The following STPG2 variants were observed in gnomAD, a reference collection of about 807,000 sequenced individuals.
STPG2 encodes the protein sperm-tail PG-rich repeat-containing protein 2.
Under a neutral mutation model 54.2 loss-of-function variants are expected in STPG2, and 56 were observed. The ratio of observed to expected loss-of-function variants is 1.03; its 90% CI spans 0.83 to 1.29. The LOEUF is 1.29. STPG2 is among the 50% of genes most tolerant of loss of function. STPG2 has a pLI of 0.00. For synonymous variants in STPG2, 200 were observed against 181.8 expected (o/e 1.10, Z -0.81); for missense variants, 596 against 544.9 (o/e 1.09, Z -0.93).
chr4:98,084,661 G>T (rs1206654072), intron 5 of STPG2, among the ~76,000 whole-genome samples: 2 of 152,074 alleles, frequency 1.3e-5, no homozygotes, highest in Non-Finnish European at 2.9e-5. Context: ...TTAAATGGGG[G>T]TGCCTTGGTA....
intron 5 of STPG2, among the ~76,000 whole-genome samples, chr4:98,089,662 C>A (rs1429306270): frequency 6.6e-6 from 1 of 151,362 alleles, no homozygotes; most frequent in Non-Finnish European, 1.5e-5. Context: ...AATTTACATT[C>A]CCACCAGCAG....
At chr4:97,505,959 A>G (rs947073322) in intron 4 of STPG2, among the ~76,000 whole-genome samples, 4 of 147,654 alleles carry the variant, frequency 2.7e-5, no homozygotes, top group African/African-American at 1.0e-4. Flanking sequence ...CTATTGTTAC[A>G]TAGTTTCAGC....
chr4:97,808,779 G>A (rs1313510855), intron 9 of STPG2, among the ~76,000 whole-genome samples: 1 of 148,896 alleles, frequency 6.7e-6, no homozygotes, highest in Non-Finnish European at 1.5e-5. Context: ...TGTCAAAAAA[G>A]ACACTAAACC....
intron 9 of STPG2, among the ~76,000 whole-genome samples, chr4:97,750,214 T>G (rs1274291290): frequency 6.6e-6 from 1 of 151,890 alleles, no homozygotes; most frequent in African/African-American, 2.4e-5. Context: ...AATCTTTGCT[T>G]TATATATAGG....
At chr4:97,770,459 G>A (rs1726184055) in intron 9 of STPG2, among the ~76,000 whole-genome samples, 1 of 152,174 alleles carries the variant, frequency 6.6e-6, no homozygotes, top group Non-Finnish European at 1.5e-5. Context: ...GAGCAGCGGA[G>A]AGAAAAGAAG....
chr4:97,821,844 AG>A (rs1258191562), intron 9 of STPG2, among the ~76,000 whole-genome samples: 1 of 152,184 alleles, frequency 6.6e-6, no homozygotes, highest in Admixed American at 6.5e-5. Context: ...AGGCTGCACA[AG>A]GCAGCCAAGC....
chr4:97,650,740 G>T (rs1031637099), intron 10 of STPG2, among the ~76,000 whole-genome samples: 4 of 152,064 alleles, frequency 2.6e-5, no homozygotes, highest in Admixed American at 2.6e-4. Context: ...GGGCCTAGAA[G>T]AATAAGATCC....
intron 8 of STPG2, chr4:97,892,986 A>G (rs1366418246): frequency 2.6e-5 from 4 of 152,168 alleles, no homozygotes; most frequent in African/African-American, 9.7e-5. Flanking sequence ...TTCAACAGAG[A>G]ATTAAATTAA....
Position 97,712,789 on chromosome 4 carries a change from T to G in STPG2, c.1230A>C (p.Leu410Phe), listed in dbSNP as rs1253831462. The part of the protein sequence containing the change: ...GPGPAAYNPV[L>F]RKSCPIPLFV... ...ATAAGGGTATGGGGCAAGATTTCCTTAAAACAGGATTGTATGCTGCAGGAC... is the reference window on the plus strand; with the variant it reads ...ATAAGGGTATGGGGCAAGATTTCCTGAAAACAGGATTGTATGCTGCAGGAC... The change falls in exon 10 of 11, where the codon TTA becomes TTC. Residue 410 changes from leucine (L) to phenylalanine (F), a missense_variant. Transcript: ENST00000295268. The G allele has an allele frequency of 1.2e-6, 2 of 1,607,758 alleles. No individual in the cohort carries two copies. Among genetic ancestry groups the G allele is most frequent in the South Asian group, 2.2e-5 (2 of 90,160 alleles).
At chr4:97,810,854 C>G (rs562562056) in intron 9 of STPG2, among the ~76,000 whole-genome samples, 1 of 152,100 alleles carries the variant, frequency 6.6e-6, no homozygotes, top group African/African-American at 2.4e-5. Context: ...TTTAAGAAAC[C>G]AGGTACTTAA....
intron 8 of STPG2, among the ~76,000 whole-genome samples, chr4:97,939,706 G>A (rs1181531302): frequency 6.6e-6 from 1 of 152,144 alleles, no homozygotes; most frequent in Non-Finnish European, 1.5e-5. Flanking sequence ...TTACATGTAA[G>A]ATGGGTCACT....
chr4:98,092,033 G>A (rs1738709519), intron 5 of STPG2, among the ~76,000 whole-genome samples: 1 of 151,846 alleles, frequency 6.6e-6, no homozygotes, highest in Non-Finnish European at 1.5e-5. Flanking sequence ...TATGACTTTG[G>A]TATATAAAAC....
At chr4:97,852,916 G>A (rs921717452) in intron 8 of STPG2, among the ~76,000 whole-genome samples, 2 of 145,516 alleles carry the variant, frequency 1.4e-5, no homozygotes, top group African/African-American at 5.1e-5. Context: ...CATTTGAATT[G>A]TAGGAAATCT....
At chr4:98,090,960 T>TAC (rs1190071450) in intron 5 of STPG2, among the ~76,000 whole-genome samples, 4 of 55,834 alleles carry the variant, frequency 7.2e-5, no homozygotes, top group Non-Finnish European at 1.7e-4. Flanking sequence ...TACACACAGC[T>TAC]ACACACACAC....
intron 7 of STPG2, among the ~76,000 whole-genome samples, chr4:97,944,511 C>G (rs1489022196): frequency 6.6e-6 from 1 of 151,936 alleles, no homozygotes; most frequent in Non-Finnish European, 1.5e-5. Context: ...CTAGAGGAAT[C>G]TAGTAATGTA....
At chr4:98,106,191 G>A in intron 4 of STPG2, 127 bp from the exon 5 acceptor site, 2 of 663,680 alleles carry the variant, frequency 3.0e-6, no homozygotes, top group Non-Finnish European at 4.5e-6. Context: ...AGATTATCTA[G>A]GTATATTAGA....
intron 8 of STPG2, among the ~76,000 whole-genome samples, chr4:97,913,920 G>C (rs936470002): frequency 2.6e-5 from 4 of 152,044 alleles, no homozygotes; most frequent in African/African-American, 9.7e-5. Flanking sequence ...TCCTGACTTT[G>C]AGTGTTTATT....
chr4:97,687,867 C>T (rs972012696), intron 10 of STPG2, among the ~76,000 whole-genome samples: 5 of 152,056 alleles, frequency 3.3e-5, no homozygotes, highest in South Asian at 2.1e-4. Context: ...CTAGTTTAGT[C>T]TTCTGCATGC....
intron 10 of STPG2, among the ~76,000 whole-genome samples, chr4:97,647,560 C>T (rs1226663303): frequency 6.6e-6 from 1 of 152,082 alleles, no homozygotes; most frequent in Non-Finnish European, 1.5e-5. Flanking sequence ...GTCCCATTAT[C>T]CCCTATCTTC....
Sources: gnomAD v4.1 joint callset for allele counts (sites outside exome capture counted in the v4.1 genomes callset) on GRCh38, gnomAD v4.1.1 for gene constraint, MANE v1.5 for transcripts, NCBI Gene and HGNC (gene_info 2026-07-23, HGNC 2026-07-21) for gene names.